Variants in STK32B observed in about 807,000 individuals in gnomAD.
STK32B encodes the protein serine/threonine-protein kinase 32B.
Under a neutral mutation model 52.6 loss-of-function variants are expected in STK32B, and 43 were observed. The observed-to-expected ratio is 0.82, with a 90% confidence interval of 0.64 to 1.05. The LOEUF (loss-of-function observed/expected upper bound fraction) is 1.05. Ranked by LOEUF, STK32B falls within the 50% of genes least tolerant of loss-of-function variation. STK32B has a pLI of 0.00. For missense variants in STK32B, 621 were observed against 534.6 expected, an observed-to-expected ratio of 1.16 and a Z score of -1.59; for synonymous variants, 238 against 204.3, an observed-to-expected ratio of 1.17 and a Z score of -1.41.
At chr4:5,186,398 AAG>A (rs1720740673) in intron 3 of STK32B, among the ~76,000 whole-genome samples, 2 of 152,134 alleles carry the variant, frequency 1.3e-5, no homozygotes, top group African/African-American at 4.8e-5. Context: ...TAGTGCTGTT[AAG>A]GGCCCCTGAC....
intron 3 of STK32B, among the ~76,000 whole-genome samples, chr4:5,318,720 A>C (rs898440998): frequency 6.6e-6 from 1 of 152,172 alleles, no homozygotes; most frequent in African/African-American, 2.4e-5. Flanking sequence ...CCTCAGGATG[A>C]CCAGAGCAAA....
intron 1 of STK32B, among the ~76,000 whole-genome samples, chr4:5,100,520 TTC>T (rs1278125805): frequency 1.2e-4 from 16 of 135,722 alleles, no homozygotes; most frequent in Non-Finnish European, 1.8e-4. Flanking sequence ...TCTCTCCTTC[TTC>T]TCTCTTTCCT....
upstream of STK32B, among the ~76,000 whole-genome samples, chr4:5,049,402 C>A (rs1278968245): frequency 6.6e-6 from 1 of 152,104 alleles, no homozygotes; most frequent in African/African-American, 2.4e-5. Flanking sequence ...TTTGTGTGAG[C>A]AATAAAGCTT....
At chr4:5,482,499 G>GT (rs199887445) in intron 11 of STK32B, among the ~76,000 whole-genome samples, 1,561 of 152,170 alleles carry the variant, frequency 0.01, 22 homozygotes, top group African/African-American at 0.035. Context: ...AGATGATGAG[G>GT]TTTTCTAGAT....
chr4:5,179,680 C>T (rs141801756), intron 3 of STK32B, among the ~76,000 whole-genome samples: 4,370 of 152,260 alleles, frequency 0.029, 88 homozygotes, highest in Admixed American at 0.045. Flanking sequence ...GATCATTGGT[C>T]AGTACTCAGA....
At chr4:5,456,020 G>A (rs557731532) in intron 7 of STK32B, among the ~76,000 whole-genome samples, 3 of 152,160 alleles carry the variant, frequency 2.0e-5, no homozygotes, top group Middle Eastern at 3.4e-3. Context: ...TTCAGCTGGA[G>A]AGGCTCTGGG....
chr4:5,322,157 G>T (rs1392953734), intron 3 of STK32B, among the ~76,000 whole-genome samples: 1 of 152,012 alleles, frequency 6.6e-6, no homozygotes, highest in African/African-American at 2.4e-5. Context: ...AACACAGCAA[G>T]ATTTTGTCTA....
chr4:5,071,982 G>T (rs745735932), intron 1 of STK32B, among the ~76,000 whole-genome samples: 1 of 152,076 alleles, frequency 6.6e-6, no homozygotes, highest in Non-Finnish European at 1.5e-5. Context: ...TTTGTTTCTT[G>T]TCTTACACCC....
At chr4:5,285,475 G>A (rs190658038) in intron 3 of STK32B, among the ~76,000 whole-genome samples, 41 of 152,178 alleles carry the variant, frequency 2.7e-4, no homozygotes, top group African/African-American at 9.6e-4. Flanking sequence ...GTGAAAGACA[G>A]GACATAATAG....
At chr4:5,136,797 C>G (rs1716106097) in intron 1 of STK32B, among the ~76,000 whole-genome samples, 1 of 152,186 alleles carries the variant, frequency 6.6e-6, no homozygotes, top group Admixed American at 6.5e-5. Context: ...AAAGTGTCTT[C>G]TTTTAGGTGC....
intron 1 of STK32B, among the ~76,000 whole-genome samples, chr4:5,099,685 A>G (rs1195490759): frequency 1.3e-5 from 2 of 152,176 alleles, no homozygotes; most frequent in East Asian, 3.9e-4. Flanking sequence ...CATTCTAGGC[A>G]GGGGAAATAT....
chr4:5,110,523 A>G (rs915738139), intron 1 of STK32B, among the ~76,000 whole-genome samples: 1 of 151,786 alleles, frequency 6.6e-6, no homozygotes, highest in Non-Finnish European at 1.5e-5. Flanking sequence ...CATCCTATTC[A>G]ATAAATGGTG....
At chr4:5,296,797 C>A (rs370541885) in intron 3 of STK32B, among the ~76,000 whole-genome samples, 3 of 152,174 alleles carry the variant, frequency 2.0e-5, no homozygotes, top group African/African-American at 7.2e-5. Flanking sequence ...TGAATTTGAT[C>A]CTGTCATTAT....
At chr4:5,301,456 A>G (rs1729549417) in intron 3 of STK32B, among the ~76,000 whole-genome samples, 1 of 152,028 alleles carries the variant, frequency 6.6e-6, no homozygotes, top group African/African-American at 2.4e-5. Flanking sequence ...CTTTTCATTT[A>G]TGAAAGTCTT....
At chr4:5,216,925 G>T (rs1409821594) in intron 3 of STK32B, among the ~76,000 whole-genome samples, 1 of 152,198 alleles carries the variant, frequency 6.6e-6, no homozygotes. Context: ...AGTGCTCTTT[G>T]CCTTGTGTAT....
chr4:5,064,470 A>G (rs1250572672), intron 1 of STK32B, among the ~76,000 whole-genome samples: 17 of 86,122 alleles, frequency 2.0e-4, no homozygotes, highest in African/African-American at 7.0e-4. Flanking sequence ...TACATATAAT[A>G]TATAAATATA....
chr4:5,183,166 C>A (rs1341929439), intron 3 of STK32B, among the ~76,000 whole-genome samples: 1 of 152,130 alleles, frequency 6.6e-6, no homozygotes, highest in Non-Finnish European at 1.5e-5. Context: ...AAGAGTCGGC[C>A]TGTTTTTTGA....
Position 5,417,043 on chromosome 4 carries a change from C to T in STK32B, c.562+109C>T, listed in dbSNP as rs376112303. On this transcript the variant is annotated intron_variant, in intron 6 of 11. Coordinates refer to ENST00000282908, the MANE Select transcript of STK32B (RefSeq NM_018401.3). ...GCCCGCTGCCACATACCCTCCCATG[C>T]TCACATGAGGTTCCACAGTTCCCAG... 1,761 of 985,428 alleles carry T rather than the reference C, an allele frequency of 1.8e-3. 4 individuals are homozygous for T. Among genetic ancestry groups the T allele is most frequent in the South Asian group, 3.3e-3 (204 of 62,362 alleles). 61.0% of individuals were successfully genotyped at this position (985,428 alleles called of 1,614,324 possible). A position where few individuals can be genotyped will look rare whatever the true frequency, so the allele number is the denominator to read the frequency against.
At chr4:5,115,366 G>C (rs1714657338) in intron 1 of STK32B, among the ~76,000 whole-genome samples, 1 of 152,174 alleles carries the variant, frequency 6.6e-6, no homozygotes. Context: ...TTGTGGGGTA[G>C]ACACACATAT....
Sources: gnomAD v4.1 joint callset for allele counts (sites outside exome capture counted in the v4.1 genomes callset) on GRCh38, gnomAD v4.1.1 for gene constraint, MANE v1.5 for transcripts, NCBI Gene and HGNC (gene_info 2026-07-23, HGNC 2026-07-21) for gene names.